Variants in PTPRT observed in about 807,000 individuals in gnomAD.
PTPRT encodes the protein receptor-type tyrosine-protein phosphatase T.
Under a neutral mutation model 176.8 loss-of-function variants are expected in PTPRT, and 56 were observed. The ratio of observed to expected loss-of-function variants is 0.32; its 90% confidence interval spans 0.26 to 0.40. The LOEUF (loss-of-function observed/expected upper bound fraction) is 0.40. PTPRT is among the 10% of genes least tolerant of loss of function. The probability of loss-of-function intolerance (pLI) is 1.00; values close to 1 mark genes in which losing one functional copy is unlikely to be tolerated. For missense variants in PTPRT, 1,540 were observed against 1,908.2 expected (o/e 0.81, Z 3.60); for synonymous variants, 783 against 739.0 (o/e 1.06, Z -0.96).
chr20:42,103,369 T>C (rs1335531863), intron 25 of PTPRT, among the ~76,000 whole-genome samples: 1 of 152,248 alleles, frequency 6.6e-6, no homozygotes, highest in African/African-American at 2.4e-5. Context: ...TCATTCACTA[T>C]GTCTGGGCCA....
At chr20:42,388,212 T>C (rs948502023) in intron 9 of PTPRT, among the ~76,000 whole-genome samples, 2 of 152,228 alleles carry the variant, frequency 1.3e-5, no homozygotes, top group East Asian at 1.9e-4. Flanking sequence ...GACATAGGCA[T>C]GGGCAAGGAC....
intron 9 of PTPRT, among the ~76,000 whole-genome samples, chr20:42,442,959 C>T (rs1370855738): frequency 6.6e-6 from 1 of 152,144 alleles, no homozygotes; most frequent in Non-Finnish European, 1.5e-5. Context: ...TGAGAGAGGC[C>T]ACACCACCCT....
chr20:42,576,259 C>T (rs1191402358), intron 7 of PTPRT, among the ~76,000 whole-genome samples: 2 of 152,190 alleles, frequency 1.3e-5, no homozygotes, highest in African/African-American at 4.8e-5. Context: ...GGCATCACTT[C>T]CTCTGAGCAA....
chr20:43,030,897 A>C (rs143840133), intron 1 of PTPRT, among the ~76,000 whole-genome samples: 1 of 152,360 alleles, frequency 6.6e-6, no homozygotes, highest in African/African-American at 2.4e-5. Context: ...CCTAAGCAAC[A>C]GACTCTGAAA....
intron 11 of PTPRT, among the ~76,000 whole-genome samples, chr20:42,320,306 G>A (rs1242986680): frequency 1.3e-5 from 2 of 152,132 alleles, no homozygotes; most frequent in African/African-American, 4.8e-5. Flanking sequence ...TAAGCTAATG[G>A]TTTAAATGGT....
intron 19 of PTPRT, among the ~76,000 whole-genome samples, chr20:42,120,965 T>C (rs1429742178): frequency 6.6e-6 from 1 of 152,134 alleles, no homozygotes. Context: ...CCAGAGAAAA[T>C]AAGTCCTAAA....
chr20:42,863,734 G>A (rs1041442776), intron 2 of PTPRT, among the ~76,000 whole-genome samples: 1 of 152,148 alleles, frequency 6.6e-6, no homozygotes, highest in Non-Finnish European at 1.5e-5. Flanking sequence ...TACAACACAC[G>A]GATCTTGAAA....
chr20:42,812,400 T>G (rs1187420785), intron 2 of PTPRT, among the ~76,000 whole-genome samples: 1 of 152,162 alleles, frequency 6.6e-6, no homozygotes, highest in Non-Finnish European at 1.5e-5. Flanking sequence ...CATTCTCTCC[T>G]GCCCCAGTCT....
chr20:42,337,863 T>C (rs1384305338), intron 11 of PTPRT, among the ~76,000 whole-genome samples: 1 of 152,136 alleles, frequency 6.6e-6, no homozygotes, highest in Non-Finnish European at 1.5e-5. Flanking sequence ...TAATAAGGGT[T>C]CCTTATCTGC....
rs1982418854 is a variant in PTPRT at position 42,072,770 on chromosome 20, A to C, written c.*8109T>G. On this transcript the variant is annotated 3_prime_UTR_variant, in exon 31 of 31. Transcript: ENST00000373187. ...GTACGAATATCTTAGGAAAACATGA[A>C]TCTCAGGGTCACAGCTTTATTGTAT... 1 of 210,390 alleles carries C rather than the reference A, an allele frequency of 4.8e-6. No individual in the cohort carries two copies. The highest frequency in any genetic ancestry group is 9.7e-6 in the Non-Finnish European group (1 of 103,410). The allele number at this position is 210,390 out of a possible 1,614,324, so 13.0% of individuals were successfully genotyped here.
intron 1 of PTPRT, among the ~76,000 whole-genome samples, chr20:43,115,217 G>T (rs1364584000): frequency 6.6e-6 from 1 of 152,016 alleles, no homozygotes; most frequent in African/African-American, 2.4e-5. Context: ...CAATATTCCT[G>T]CCCTAGAAGG....
At chr20:42,445,675 C>T (rs574990481) in intron 9 of PTPRT, among the ~76,000 whole-genome samples, 15 of 152,282 alleles carry the variant, frequency 9.9e-5, no homozygotes, top group African/African-American at 3.1e-4. Flanking sequence ...ACTCTGGTTC[C>T]GGTTCTCTGC....
At chr20:42,413,560 CA>C (rs1425952990) in intron 9 of PTPRT, among the ~76,000 whole-genome samples, 1 of 152,060 alleles carries the variant, frequency 6.6e-6, no homozygotes, top group African/African-American at 2.4e-5. Context: ...TTGAGCAGCT[CA>C]ATAAAATACC....
Position 42,080,750 on chromosome 20 carries a change from A to T in PTPRT, c.*129T>A. ...AGAGCCCCCCGTGGAACACAGGGCC[A>T]CCAGTCTTCTCCTTGGAGTCAGGCA... On this transcript the variant is annotated 3_prime_UTR_variant, in exon 31 of 31. Coordinates refer to ENST00000373187, the MANE Select transcript of PTPRT (RefSeq NM_007050.6). 1 of 882,298 alleles carries T rather than the reference A, an allele frequency of 1.1e-6. No homozygotes were observed. The highest frequency in any genetic ancestry group is 1.8e-6 in the Non-Finnish European group (1 of 554,406). 54.7% of individuals were successfully genotyped at this position (882,298 alleles called of 1,614,324 possible). A position where few individuals can be genotyped will look rare whatever the true frequency, so the allele number is the denominator to read the frequency against.
chr20:42,672,975 A>G (rs2075438541), intron 7 of PTPRT, among the ~76,000 whole-genome samples: 1 of 152,230 alleles, frequency 6.6e-6, no homozygotes, highest in Non-Finnish European at 1.5e-5. Context: ...GGCACAAAGA[A>G]AAGACTAAGT....
At chr20:42,835,570 G>A (rs1015786015) in intron 2 of PTPRT, among the ~76,000 whole-genome samples, 2 of 151,802 alleles carry the variant, frequency 1.3e-5, no homozygotes, top group Non-Finnish European at 2.9e-5. Context: ...GAGAGGGGAA[G>A]GGCTACTGCT....
intron 1 of PTPRT, among the ~76,000 whole-genome samples, chr20:42,921,269 A>G (rs1979127519): frequency 6.6e-6 from 1 of 152,172 alleles, no homozygotes; most frequent in Non-Finnish European, 1.5e-5. Flanking sequence ...ATTTCTTTCA[A>G]AATAAGAAGG....
At chr20:42,738,724 T>C (rs1034993950) in intron 6 of PTPRT, among the ~76,000 whole-genome samples, 1 of 152,140 alleles carries the variant, frequency 6.6e-6, no homozygotes, top group Non-Finnish European at 1.5e-5. Context: ...ATAGGGGGCA[T>C]TTGGAGACTA....
At chr20:42,469,267 G>A (rs1239313533) in intron 8 of PTPRT, among the ~76,000 whole-genome samples, 6 of 152,066 alleles carry the variant, frequency 3.9e-5, no homozygotes, top group African/African-American at 1.4e-4. Flanking sequence ...GCAGTGGCGC[G>A]ATCTCGGCTC....
Sources: gnomAD v4.1 joint callset for allele counts (sites outside exome capture counted in the v4.1 genomes callset) on GRCh38, gnomAD v4.1.1 for gene constraint, MANE v1.5 for transcripts, NCBI Gene and HGNC (gene_info 2026-07-23, HGNC 2026-07-21) for gene names.